The following SLC9A9 variants were observed in gnomAD, a reference collection of about 807,000 sequenced individuals.
SLC9A9 encodes the protein sodium/hydrogen exchanger 9.
SLC9A9 carries 62 observed loss-of-function variants against 77.8 expected under a neutral mutation model. The ratio of observed to expected loss-of-function variants is 0.80; its 90% CI spans 0.65 to 0.98. SLC9A9 has a LOEUF of 0.98. Ranked by LOEUF, SLC9A9 falls within the 50% of genes least tolerant of loss-of-function variation. SLC9A9 has a pLI of 0.00. For missense variants in SLC9A9, 775 were observed against 774.9 expected, an observed-to-expected ratio of 1.00 and a Z score of 0.00; for synonymous variants, 320 against 283.5, an observed-to-expected ratio of 1.13 and a Z score of -1.29.
At chr3:143,743,296 C>T (rs903738208) in intron 4 of SLC9A9, among the ~76,000 whole-genome samples, 10 of 147,592 alleles carry the variant, frequency 6.8e-5, no homozygotes, top group African/African-American at 2.6e-4. Context: ...GATAGACAGA[C>T]AGATAGATAG....
At chr3:143,350,199 T>C (rs937072417) in intron 14 of SLC9A9, among the ~76,000 whole-genome samples, 9 of 152,208 alleles carry the variant, frequency 5.9e-5, no homozygotes, top group Non-Finnish European at 1.2e-4. Flanking sequence ...CCTTTCTCTC[T>C]GCAGTCCTGG....
At chr3:143,443,314 C>T (rs1559917976) in intron 12 of SLC9A9, among the ~76,000 whole-genome samples, 1 of 152,074 alleles carries the variant, frequency 6.6e-6, no homozygotes, top group Non-Finnish European at 1.5e-5. Flanking sequence ...CATGTGCCTG[C>T]TATACTGATA....
chr3:143,434,955 C>CTA (rs1206073493), intron 12 of SLC9A9, among the ~76,000 whole-genome samples: 2 of 152,138 alleles, frequency 1.3e-5, no homozygotes, highest in African/African-American at 4.8e-5. Flanking sequence ...TTAACCTATT[C>CTA]CCTGGTTGCC....
chr3:143,640,415 G>A (rs1233157749), intron 6 of SLC9A9, among the ~76,000 whole-genome samples: 1 of 152,148 alleles, frequency 6.6e-6, no homozygotes, highest in African/African-American at 2.4e-5. Context: ...GAACATGGCT[G>A]GCTATATTGG....
At chr3:143,833,392 T>TA (rs1179925993) in intron 1 of SLC9A9, among the ~76,000 whole-genome samples, 5 of 152,310 alleles carry the variant, frequency 3.3e-5, no homozygotes, top group African/African-American at 9.6e-5. Flanking sequence ...ACAATTATAA[T>TA]AAAACATGAC....
At chr3:143,540,020 GT>G (rs1275864146) in intron 9 of SLC9A9, among the ~76,000 whole-genome samples, 5 of 151,986 alleles carry the variant, frequency 3.3e-5, no homozygotes, top group African/African-American at 1.2e-4. Flanking sequence ...GCTAAATGAG[GT>G]AAGTATACTT....
At chr3:143,643,937 T>C (rs2038662281) in intron 6 of SLC9A9, among the ~76,000 whole-genome samples, 1 of 150,400 alleles carries the variant, frequency 6.6e-6, no homozygotes. Flanking sequence ...TTGTGACTGA[T>C]ATGCAAATAT....
At chr3:143,632,923 T>C (rs2038451170) in intron 6 of SLC9A9, among the ~76,000 whole-genome samples, 1 of 152,204 alleles carries the variant, frequency 6.6e-6, no homozygotes, top group African/African-American at 2.4e-5. Flanking sequence ...GTCACCAAAC[T>C]AATCAGTTAA....
chr3:143,328,137 T>C (rs2031657156), intron 14 of SLC9A9, among the ~76,000 whole-genome samples: 1 of 152,226 alleles, frequency 6.6e-6, no homozygotes, highest in Non-Finnish European at 1.5e-5. Flanking sequence ...ATACATGTCA[T>C]TACAAATTTG....
At chr3:143,541,162 T>C (rs2036683875) in intron 9 of SLC9A9, among the ~76,000 whole-genome samples, 1 of 152,228 alleles carries the variant, frequency 6.6e-6, no homozygotes, top group East Asian at 1.9e-4. Context: ...AAATAGAATA[T>C]GGCAGAAATG....
intron 1 of SLC9A9, among the ~76,000 whole-genome samples, chr3:143,840,236 T>TAGTAATAAGAC (rs1473032498): frequency 6.6e-6 from 1 of 151,898 alleles, no homozygotes; most frequent in Non-Finnish European, 1.5e-5. Flanking sequence ...TCATATAAGA[T>TAGTAATAAGAC]AGTAGTTCCT....
At chr3:143,347,386 A>G (rs1203393660) in intron 14 of SLC9A9, among the ~76,000 whole-genome samples, 1 of 152,216 alleles carries the variant, frequency 6.6e-6, no homozygotes, top group East Asian at 1.9e-4. Flanking sequence ...ATAAAAGGGG[A>G]AATCAAGAAG....
intron 4 of SLC9A9, among the ~76,000 whole-genome samples, chr3:143,705,847 T>C (rs1456072382): frequency 1.3e-5 from 2 of 152,168 alleles, no homozygotes; most frequent in African/African-American, 4.8e-5. Flanking sequence ...TATACTTTAC[T>C]AGGTCCATGA....
intron 6 of SLC9A9, among the ~76,000 whole-genome samples, chr3:143,587,859 A>T (rs2037570255): frequency 6.6e-6 from 1 of 152,220 alleles, no homozygotes; most frequent in Admixed American, 6.5e-5. Context: ...CACAGGAAAT[A>T]AAGTAGAGTA....
intron 2 of SLC9A9, among the ~76,000 whole-genome samples, chr3:143,798,638 T>C (rs979083565): frequency 2.6e-5 from 4 of 152,158 alleles, no homozygotes; most frequent in Non-Finnish European, 5.9e-5. Context: ...TTGACCCCAG[T>C]AGAAACTCGA....
rs1418071824 is a variant in SLC9A9 at position 143,357,893 on chromosome 3, C to A, written c.1604+5591G>T. Among the ~76,000 whole-genome samples, 5 of 152,202 alleles carry A rather than the reference C, an allele frequency of 3.3e-5. No individual in the cohort carries two copies. The South Asian group carries it at 1.0e-3, about 32-fold the overall frequency. ...TTCAGCCAGTCAGGATAGGGAAAAACCGCAGTACAGGATCATCATTTAAAA... is the reference window on the plus strand; with the variant it reads ...TTCAGCCAGTCAGGATAGGGAAAAAACGCAGTACAGGATCATCATTTAAAA... On this transcript the variant is annotated intron_variant, in intron 14 of 15. Transcript: ENST00000316549.
At chr3:143,576,996 T>C (rs984003604) in intron 7 of SLC9A9, among the ~76,000 whole-genome samples, 1 of 152,186 alleles carries the variant, frequency 6.6e-6, no homozygotes, top group East Asian at 1.9e-4. Flanking sequence ...TAGAGATTTT[T>C]CCTTTTAAAT....
At chr3:143,286,982 C>T (rs1044000968) in intron 14 of SLC9A9, among the ~76,000 whole-genome samples, 1 of 152,192 alleles carries the variant, frequency 6.6e-6, no homozygotes, top group Non-Finnish European at 1.5e-5. Context: ...ATGTCTCAGA[C>T]CCTTCTCTGT....
intron 6 of SLC9A9, among the ~76,000 whole-genome samples, chr3:143,633,746 CTATT>C (rs2038466472): frequency 6.6e-6 from 1 of 152,134 alleles, no homozygotes; most frequent in South Asian, 2.1e-4. Flanking sequence ...AAAATACTAT[CTATT>C]TCTTTATTGT....
Sources: allele counts gnomAD v4.1 joint callset (sites outside exome capture counted in the v4.1 genomes callset), GRCh38; gene constraint gnomAD v4.1.1; transcripts MANE v1.5; gene names NCBI Gene and HGNC (gene_info 2026-07-23, HGNC 2026-07-21).